FGF14: variants seen among roughly 807,000 people sequenced by gnomAD.
FGF14 encodes fibroblast growth factor homologous factor 4.
Under a neutral mutation model 25.5 loss-of-function variants are expected in FGF14, and 5 were observed. The ratio of observed to expected loss-of-function variants is 0.20; its 90% CI spans 0.10 to 0.41. The LOEUF (loss-of-function observed/expected upper bound fraction) is 0.41, where lower values mean the gene tolerates loss of function less well. FGF14 is among the 10% of genes least tolerant of loss of function. The pLI, the probability that FGF14 is intolerant of heterozygous loss-of-function variation, is 1.00. For missense variants in FGF14, 222 were observed against 320.1 expected (o/e 0.69, Z 2.34); for synonymous variants, 138 against 118.3 (o/e 1.17, Z -1.08).
rs76268991 is a variant in FGF14, at chr13:101,862,548, G to A, written c.408+6177C>T. ...TTGTCCAAAAGATGATTTATAACTA[G>A]TTAAATGCAGTTTACTAGCTGTATT... On this transcript the variant is annotated intron_variant, in intron 3 of 4. Transcript: ENST00000376143. Among the ~76,000 whole-genome samples the A allele has an allele frequency of 8.8e-3, 1,337 of 152,144 alleles. 21 individuals are homozygous for A. The highest frequency in any genetic ancestry group is 0.03 in the African/African-American group (1,247 of 41,528).
chr13:102,194,416 T>C (rs593557), intron 1 of FGF14, among the ~76,000 whole-genome samples: 127,314 of 152,012 alleles, frequency 0.84, 53,892 homozygotes, highest in African/African-American at 0.95. Flanking sequence ...CTATTTATCC[T>C]GATACTCTCC....
At chr13:102,258,329 T>C (rs2052549792) in intron 1 of FGF14, among the ~76,000 whole-genome samples, 2 of 152,104 alleles carry the variant, frequency 1.3e-5, no homozygotes, top group African/African-American at 2.4e-5. Context: ...GGGACATTTG[T>C]ACTGTGCCCC....
chr13:101,860,336 C>T (rs1566330196), intron 3 of FGF14, among the ~76,000 whole-genome samples: 4 of 151,986 alleles, frequency 2.6e-5, no homozygotes, highest in African/African-American at 9.7e-5. Flanking sequence ...TTTCTCTATG[C>T]ACTCCCCAAA....
At chr13:101,749,393 C>G (rs2037122068) in intron 3 of FGF14, among the ~76,000 whole-genome samples, 1 of 151,754 alleles carries the variant, frequency 6.6e-6, no homozygotes. Context: ...TTATACAGAG[C>G]AAAACAACAA....
chr13:102,093,106 G>A (rs1176262254), intron 1 of FGF14, among the ~76,000 whole-genome samples: 2 of 152,092 alleles, frequency 1.3e-5, no homozygotes, highest in Non-Finnish European at 2.9e-5. Context: ...TATGTAGAAT[G>A]TTTTCAATAA....
chr13:101,918,397 G>A (rs924350602), upstream of FGF14, among the ~76,000 whole-genome samples: 1 of 152,200 alleles, frequency 6.6e-6, no homozygotes. Flanking sequence ...GCTCGAACTA[G>A]ACTTCTGGAA....
intron 1 of FGF14, among the ~76,000 whole-genome samples, chr13:101,940,147 G>GCC (rs2035352469): frequency 6.6e-6 from 1 of 152,196 alleles, no homozygotes; most frequent in Non-Finnish European, 1.5e-5. Context: ...ATCCCTAGTT[G>GCC]TATCCATGCC....
chr13:102,199,469 T>G (rs576994826), intron 1 of FGF14, among the ~76,000 whole-genome samples: 1 of 152,322 alleles, frequency 6.6e-6, no homozygotes, highest in East Asian at 1.9e-4. Flanking sequence ...CTTTTGTGAC[T>G]TGATGAAGAT....
intron 3 of FGF14, among the ~76,000 whole-genome samples, chr13:101,727,382 T>C (rs2035511341): frequency 1.3e-5 from 2 of 152,238 alleles, no homozygotes; most frequent in South Asian, 4.1e-4. Flanking sequence ...TTAGGTGTCA[T>C]GTTAGCTGGT....
At chr13:101,789,474 C>A (rs1203002103) in intron 3 of FGF14, among the ~76,000 whole-genome samples, 1 of 152,112 alleles carries the variant, frequency 6.6e-6, no homozygotes, top group Non-Finnish European at 1.5e-5. Flanking sequence ...AAAATCATGC[C>A]CCTTACGCTC....
chr13:101,805,871 T>TA (rs2041166638), intron 3 of FGF14, among the ~76,000 whole-genome samples: 1 of 152,064 alleles, frequency 6.6e-6, no homozygotes, highest in Non-Finnish European at 1.5e-5. Context: ...AATGGAGTTC[T>TA]AAAAAATTTT....
At chr13:101,956,398 T>A (rs1048153138) in intron 1 of FGF14, among the ~76,000 whole-genome samples, 2 of 152,152 alleles carry the variant, frequency 1.3e-5, no homozygotes, top group African/African-American at 4.8e-5. Flanking sequence ...TTAAGTCAAA[T>A]AGAAAAATAC....
intron 1 of FGF14, among the ~76,000 whole-genome samples, chr13:102,365,841 C>T (rs892268372): frequency 2.6e-5 from 4 of 152,006 alleles, no homozygotes; most frequent in Admixed American, 6.6e-5. Context: ...TGTAGACCTA[C>T]AAAATTTGTA....
intron 1 of FGF14, among the ~76,000 whole-genome samples, chr13:101,937,049 T>C (rs2034033601): frequency 6.6e-6 from 1 of 152,144 alleles, no homozygotes; most frequent in African/African-American, 2.4e-5. Context: ...CTCCCCTTGC[T>C]AAAAAGGATG....
chr13:102,334,200 T>G (rs2056721104), intron 1 of FGF14, among the ~76,000 whole-genome samples: 1 of 152,188 alleles, frequency 6.6e-6, no homozygotes, highest in African/African-American at 2.4e-5. Context: ...AGTCATGGAT[T>G]GGGGCAGGCA....
At chr13:101,824,065 G>T (rs2042290098) in intron 3 of FGF14, among the ~76,000 whole-genome samples, 1 of 151,972 alleles carries the variant, frequency 6.6e-6, no homozygotes, top group South Asian at 2.1e-4. Context: ...TGCTAGTGAA[G>T]AATTCACTCA....
intron 3 of FGF14, among the ~76,000 whole-genome samples, chr13:101,805,930 C>T (rs1412184062): frequency 1.3e-5 from 2 of 151,660 alleles, no homozygotes; most frequent in African/African-American, 4.8e-5. Context: ...TATTATATGA[C>T]ATATGTATAT....
chr13:102,031,520 T>A (rs1385661551), intron 1 of FGF14, among the ~76,000 whole-genome samples: 1 of 152,068 alleles, frequency 6.6e-6, no homozygotes, highest in Non-Finnish European at 1.5e-5. Flanking sequence ...TAATAACAGT[T>A]TAGTTAAATT....
At chr13:101,965,498 A>C (rs2037135397) in intron 1 of FGF14, among the ~76,000 whole-genome samples, 1 of 152,154 alleles carries the variant, frequency 6.6e-6, no homozygotes, top group African/African-American at 2.4e-5. Flanking sequence ...TTATTTTAAA[A>C]ATTTTAATAA....
Sources: gnomAD v4.1 joint callset for allele counts (sites outside exome capture counted in the v4.1 genomes callset) on GRCh38, gnomAD v4.1.1 for gene constraint, MANE v1.5 for transcripts, NCBI Gene and HGNC (gene_info 2026-07-23, HGNC 2026-07-21) for gene names.